CLEC2A: variants seen among roughly 807,000 people sequenced by gnomAD.
CLEC2A encodes the protein C-type lectin domain family 2 member A.
CLEC2A carries 19 observed loss-of-function variants against 18.6 expected under a neutral mutation model. That is an observed-to-expected ratio of 1.02 (90% CI 0.71 to 1.50). CLEC2A has a LOEUF of 1.50. CLEC2A is among the 40% of genes most tolerant of loss of function. The pLI is 0.00. For synonymous variants in CLEC2A, 74 were observed against 64.0 expected (o/e 1.16, Z -0.75); for missense variants, 190 against 207.9 (o/e 0.91, Z 0.53).
At chr12:9,886,402 A>C in the CLEC2A span, among the ~76,000 whole-genome samples, 51 of 152,290 alleles carry the variant, frequency 3.3e-4, no homozygotes, top group African/African-American at 1.2e-3. Flanking sequence ...AAGGGGAGAA[A>C]ATTTTAAAGA....
chr12:9,889,366 T>G, the CLEC2A span, among the ~76,000 whole-genome samples: 9 of 152,174 alleles, frequency 5.9e-5, no homozygotes, highest in Admixed American at 2.0e-4. Context: ...GAAGATATTT[T>G]TTAGATGAAA....
chr12:9,902,126 T>G (rs1862838392), intron 4 of CLEC2A, among the ~76,000 whole-genome samples: 1 of 152,174 alleles, frequency 6.6e-6, no homozygotes, highest in South Asian at 2.1e-4. Flanking sequence ...ATACCTTGCT[T>G]GTAAATCTAT....
At chr12:9,927,630 C>G (rs1482457277) in intron 1 of CLEC2A, among the ~76,000 whole-genome samples, 2 of 152,030 alleles carry the variant, frequency 1.3e-5, no homozygotes, top group African/African-American at 4.8e-5. Flanking sequence ...TTAAAGCAGC[C>G]TTAGTGAATG....
the CLEC2A span, among the ~76,000 whole-genome samples, chr12:9,879,507 T>C: frequency 6.6e-6 from 1 of 152,362 alleles, no homozygotes; most frequent in Non-Finnish European, 1.5e-5. Context: ...CCTGTGATGG[T>C]TTCCGGCTTG....
chr12:9,888,742 T>C, the CLEC2A span: 1 of 1,499,442 alleles, frequency 6.7e-7, no homozygotes, highest in African/African-American at 1.4e-5. Context: ...GATAAAAAAA[T>C]GGATTTCTCC....
chr12:9,922,139 T>G lies in CLEC2A; in HGVS notation c.233A>C (p.Asn78Thr). 6.4e-7 allele frequency: 1 copy of G among 1,551,252 alleles called. No homozygotes were observed. The highest frequency in any genetic ancestry group is 1.2e-5 in the South Asian group (1 of 83,986). ...KCFYFSDDTR[N>T]WTASKIFCSL... ...ACAAAATATTTTACTGGCTGTCCAA[T>G]TTCTGGTATCATCAGAAAAATAGAA... Residue 78 changes from asparagine to threonine, a missense_variant, in exon 3 of 5, where the codon AAT becomes ACT. Physicochemically the swap from Asn to Thr is moderately conservative, Grantham distance 65 (BLOSUM62 0). Transcript: ENST00000455827.
At chr12:9,929,602 A>T (rs1863340271) in intron 1 of CLEC2A, among the ~76,000 whole-genome samples, 1 of 152,078 alleles carries the variant, frequency 6.6e-6, no homozygotes, top group African/African-American at 2.4e-5. Context: ...AAGCATTCCT[A>T]ACATAAATCC....
chr12:9,913,941 G>A (rs79629724), intron 4 of CLEC2A, among the ~76,000 whole-genome samples: 3 of 152,236 alleles, frequency 2.0e-5, no homozygotes, highest in African/African-American at 7.2e-5. Context: ...GGTATACAAA[G>A]ACGGGGTAAA....
chr12:9,884,641 T>C, the CLEC2A span, among the ~76,000 whole-genome samples: 1 of 149,094 alleles, frequency 6.7e-6, no homozygotes, highest in South Asian at 2.1e-4. Context: ...ATTTATATCA[T>C]ATATAATATG....
chr12:9,881,619 G>A, the CLEC2A span: 1 of 1,535,340 alleles, frequency 6.5e-7, no homozygotes, highest in Non-Finnish European at 8.7e-7. Flanking sequence ...ATGGGTATAT[G>A]ACGCTGAGTT....
the CLEC2A span, among the ~76,000 whole-genome samples, chr12:9,886,175 C>T: frequency 3.3e-5 from 5 of 151,864 alleles, no homozygotes; most frequent in African/African-American, 1.2e-4. Flanking sequence ...TTTTTCTAGC[C>T]ATATTTTTTA....
chr12:9,893,777 A>G (rs756306431), downstream of CLEC2A, among the ~76,000 whole-genome samples: 29 of 150,608 alleles, frequency 1.9e-4, no homozygotes, highest in Non-Finnish European at 3.1e-4. Context: ...GAAAGTATTC[A>G]TTTTGTCACC....
intron 4 of CLEC2A, among the ~76,000 whole-genome samples, chr12:9,903,748 C>T (rs1244164750): frequency 6.6e-6 from 1 of 152,142 alleles, no homozygotes; most frequent in East Asian, 1.9e-4. Flanking sequence ...ATCCAATTTA[C>T]ATTTTTATTT....
At chr12:9,919,053 C>G (rs1009893410) in intron 3 of CLEC2A, among the ~76,000 whole-genome samples, 2 of 152,150 alleles carry the variant, frequency 1.3e-5, no homozygotes, top group Admixed American at 6.5e-5. Flanking sequence ...TTGTGTGACT[C>G]CCTTACTTTT....
At chr12:9,892,428 G>A in the CLEC2A span, among the ~76,000 whole-genome samples, 5 of 152,052 alleles carry the variant, frequency 3.3e-5, no homozygotes, top group Admixed American at 2.6e-4. Context: ...TTTTTCAGTT[G>A]GTAATTAACT....
intron 2 of CLEC2A, among the ~76,000 whole-genome samples, chr12:9,925,517 T>C (rs979822074): frequency 6.6e-6 from 1 of 152,226 alleles, no homozygotes; most frequent in Non-Finnish European, 1.5e-5. Context: ...TAAATGGATT[T>C]TCTTATACCT....
At chr12:9,881,782 GTCATAAAT>G in the CLEC2A span, 1 of 755,238 alleles carries the variant, frequency 1.3e-6, no homozygotes, top group African/African-American at 1.8e-5. Flanking sequence ...TATAAAAATG[GTCATAAAT>G]TGTCTGTTAG....
chr12:9,902,373 C>T (rs370376663), intron 4 of CLEC2A, among the ~76,000 whole-genome samples: 5 of 151,960 alleles, frequency 3.3e-5, no homozygotes, highest in African/African-American at 1.2e-4. Flanking sequence ...GCTGGAATTA[C>T]AGGTGTGCAC....
At chr12:9,914,656 T>A (rs1863040733) in intron 4 of CLEC2A, among the ~76,000 whole-genome samples, 1 of 152,060 alleles carries the variant, frequency 6.6e-6, no homozygotes, top group African/African-American at 2.4e-5. Context: ...AAACTGGCTA[T>A]CCATACACAG....
Sources: allele counts gnomAD v4.1 joint callset (sites outside exome capture counted in the v4.1 genomes callset), GRCh38; gene constraint gnomAD v4.1.1; transcripts MANE v1.5; gene names NCBI Gene and HGNC (gene_info 2026-07-23, HGNC 2026-07-21).